Variants in UTRN observed in about 807,000 individuals in gnomAD.
The protein encoded by UTRN is utrophin, also known as dystrophin-related protein 1.
In UTRN, 283 loss-of-function variants were observed where a neutral mutation model predicts 463.9. That is an observed-to-expected ratio of 0.61 (90% CI 0.55 to 0.67). The LOEUF is 0.67. Ranked by LOEUF, UTRN falls within the 30% of genes least tolerant of loss-of-function variation. The pLI, the probability that UTRN is intolerant of heterozygous loss-of-function variation, is 0.00. For missense variants in UTRN, 3,922 were observed against 4,084.3 expected, an observed-to-expected ratio of 0.96 and a Z score of 1.08; for synonymous variants, 1,442 against 1,431.5, an observed-to-expected ratio of 1.01 and a Z score of -0.17.
chr6:144,459,376 TCTC>T (rs1789182657), intron 21 of UTRN, 22 bp downstream of exon 21: 3 of 1,560,304 alleles, frequency 1.9e-6, no homozygotes, highest in Non-Finnish European at 2.6e-6. Context: ...AATTTTAAAA[TCTC>T]CTGTCTCAGT....
chr6:144,620,731 G>T (rs546886196), intron 51 of UTRN, among the ~76,000 whole-genome samples: 171 of 151,914 alleles, frequency 1.1e-3, no homozygotes, highest in Non-Finnish European at 1.2e-3. Flanking sequence ...TTTTCTTTTT[G>T]ATCTGGCTGC....
At chr6:144,732,303 TA>T (rs1788769737) in intron 54 of UTRN, among the ~76,000 whole-genome samples, 1 of 138,558 alleles carries the variant, frequency 7.2e-6, no homozygotes, top group African/African-American at 2.7e-5. Flanking sequence ...TATACACATA[TA>T]TATATATAAA....
chr6:144,468,271 G>T (rs1251931668), intron 23 of UTRN, among the ~76,000 whole-genome samples: 1 of 152,132 alleles, frequency 6.6e-6, no homozygotes, highest in African/African-American at 2.4e-5. Flanking sequence ...TGACCTTGCT[G>T]TTCCTTGTCC....
intron 2 of UTRN, among the ~76,000 whole-genome samples, chr6:144,343,052 G>A (rs1777268925): frequency 6.6e-6 from 1 of 152,130 alleles, no homozygotes; most frequent in African/African-American, 2.4e-5. Flanking sequence ...AGGAGGAGGA[G>A]CATAGGGGAG....
chr6:144,826,662 T>C (rs1276624775), intron 66 of UTRN, among the ~76,000 whole-genome samples: 2 of 152,162 alleles, frequency 1.3e-5, no homozygotes, highest in Non-Finnish European at 2.9e-5. Flanking sequence ...AACAAGTTTT[T>C]TTGCATCGAT....
At chr6:144,656,190 C>T (rs1779291961) in intron 51 of UTRN, among the ~76,000 whole-genome samples, 1 of 152,200 alleles carries the variant, frequency 6.6e-6, no homozygotes, top group South Asian at 2.1e-4. Flanking sequence ...TTTATTTGCA[C>T]ATTGGCTTAA....
intron 54 of UTRN, among the ~76,000 whole-genome samples, chr6:144,738,992 TA>T (rs959504898): frequency 5.9e-5 from 9 of 152,228 alleles, no homozygotes; most frequent in African/African-American, 2.2e-4. Flanking sequence ...TATACAACTT[TA>T]TATAGTTGTG....
At chr6:144,520,024 A>G (rs535667938) in intron 39 of UTRN, among the ~76,000 whole-genome samples, 1 of 152,372 alleles carries the variant, frequency 6.6e-6, no homozygotes, top group East Asian at 1.9e-4. Context: ...ACAAAGGTAA[A>G]TGTCCCTACA....
chr6:144,589,906 C>T (rs1288473662), intron 51 of UTRN, among the ~76,000 whole-genome samples: 2 of 151,374 alleles, frequency 1.3e-5, no homozygotes, highest in Non-Finnish European at 2.9e-5. Flanking sequence ...GGCTGGAGTA[C>T]AGTGGTGCTA....
chr6:144,574,819 T>C (rs547650937), intron 50 of UTRN, among the ~76,000 whole-genome samples: 43 of 152,306 alleles, frequency 2.8e-4, no homozygotes, highest in African/African-American at 9.9e-4. Flanking sequence ...TGACCTCAAG[T>C]AATCTGCCTG....
intron 28 of UTRN, among the ~76,000 whole-genome samples, chr6:144,485,809 A>G (rs1353506706): frequency 2.6e-5 from 4 of 152,242 alleles, no homozygotes; most frequent in Admixed American, 1.3e-4. Context: ...TAGGCCCTGG[A>G]CAAAGCTCTG....
At position 144,462,683 on chromosome 6, in the gene UTRN, A is replaced by G. The variant is rs1313859947; in HGVS notation, c.2883A>G (p.Lys961=). ...TTGATGAAATCCTTGAGAATCAGAAACCTGCATTACATAAACTTGCAGAAG... is the reference window on the plus strand; with the variant it reads ...TTGATGAAATCCTTGAGAATCAGAAGCCTGCATTACATAAACTTGCAGAAG... ...KTLDEILENQ[K]PALHKLAEET... Residue 961 remains lysine (K), a synonymous_variant, in exon 23 of 75, where the codon AAA becomes AAG. Coordinates refer to ENST00000367545, the MANE Select transcript of UTRN (RefSeq NM_007124.3). 1 of 1,601,116 alleles carries G rather than the reference A, an allele frequency of 6.2e-7. No individual in the cohort carries two copies. Among genetic ancestry groups the G allele is most frequent in the Non-Finnish European group, 8.5e-7 (1 of 1,177,200 alleles).
chr6:144,669,433 A>G (rs1478194335), intron 51 of UTRN, among the ~76,000 whole-genome samples: 2 of 152,316 alleles, frequency 1.3e-5, no homozygotes, highest in African/African-American at 4.8e-5. Flanking sequence ...TGAAATTATC[A>G]TAATATATAG....
At chr6:144,378,681 G>A (rs1780665471) in intron 2 of UTRN, among the ~76,000 whole-genome samples, 2 of 152,188 alleles carry the variant, frequency 1.3e-5, no homozygotes, top group Non-Finnish European at 2.9e-5. Context: ...TTCAAGACAA[G>A]GCTTGGCATA....
At chr6:144,522,880 A>G in intron 40 of UTRN, 136 bp from the exon 41 acceptor site, 4 of 787,944 alleles carry the variant, frequency 5.1e-6, no homozygotes, top group Non-Finnish European at 7.6e-6. Context: ...AAAAGTTTTC[A>G]GTTTTCATGA....
intron 42 of UTRN, among the ~76,000 whole-genome samples, chr6:144,532,092 G>C (rs968817787): frequency 6.6e-6 from 1 of 152,090 alleles, no homozygotes; most frequent in Admixed American, 6.5e-5. Flanking sequence ...AGCCAAGATC[G>C]TGCCACTGCA....
intron 2 of UTRN, among the ~76,000 whole-genome samples, chr6:144,327,420 G>C (rs1044179030): frequency 6.6e-6 from 1 of 152,152 alleles, no homozygotes; most frequent in African/African-American, 2.4e-5. Context: ...CTGCCCTTGA[G>C]GTTCTGCAGA....
At chr6:144,363,677 A>C (rs1779264609) in intron 2 of UTRN, among the ~76,000 whole-genome samples, 2 of 152,370 alleles carry the variant, frequency 1.3e-5, no homozygotes, top group South Asian at 4.1e-4. Flanking sequence ...ATTTTGTTAT[A>C]GATAAGGAAC....
chr6:144,519,120 G>T (rs1795874058), intron 39 of UTRN, among the ~76,000 whole-genome samples: 1 of 152,054 alleles, frequency 6.6e-6, no homozygotes, highest in African/African-American at 2.4e-5. Context: ...GTTTACTAGA[G>T]TATTACTGTT....
Sources: allele counts gnomAD v4.1 joint callset (sites outside exome capture counted in the v4.1 genomes callset), GRCh38; gene constraint gnomAD v4.1.1; transcripts MANE v1.5; gene names NCBI Gene and HGNC (gene_info 2026-07-23, HGNC 2026-07-21).